The following CNGB3 variants were observed in gnomAD, a reference collection of about 807,000 sequenced individuals.
CNGB3 encodes cyclic nucleotide gated channel subunit beta 3.
Under a neutral mutation model 92.8 loss-of-function variants are expected in CNGB3, and 86 were observed. The ratio of observed to expected loss-of-function variants is 0.93; its 90% CI spans 0.78 to 1.11. CNGB3 has a LOEUF of 1.11. Ranked by LOEUF, CNGB3 falls within the 50% of genes least tolerant of loss-of-function variation. CNGB3 has a pLI of 0.00. For missense variants in CNGB3, 1,026 were observed against 956.8 expected, an observed-to-expected ratio of 1.07 and a Z score of -0.95; for synonymous variants, 333 against 332.7, an observed-to-expected ratio of 1.00 and a Z score of -0.01.
chr8:86,694,589 G>A (rs577699585), intron 3 of CNGB3, among the ~76,000 whole-genome samples: 30 of 151,634 alleles, frequency 2.0e-4, no homozygotes, highest in African/African-American at 5.1e-4. Flanking sequence ...CAGACGGGGC[G>A]GCCGGGCAGA....
chr8:86,599,479 A>C (rs895631345), intron 15 of CNGB3, among the ~76,000 whole-genome samples: 4 of 152,246 alleles, frequency 2.6e-5, no homozygotes, highest in Non-Finnish European at 4.4e-5. Flanking sequence ...TCTGACTGCC[A>C]GTGGGCCGGG....
intron 13 of CNGB3, among the ~76,000 whole-genome samples, chr8:86,615,304 TTAAAA>T (rs1166756912): frequency 3.3e-5 from 5 of 152,200 alleles, no homozygotes; most frequent in South Asian, 2.1e-4. Context: ...CACAAAGTAG[TTAAAA>T]TAAACTACAG....
At chr8:86,637,579 A>T (rs1823096394) in intron 10 of CNGB3, among the ~76,000 whole-genome samples, 1 of 152,146 alleles carries the variant, frequency 6.6e-6, no homozygotes, top group South Asian at 2.1e-4. Flanking sequence ...TAATTATTCT[A>T]GCCCTTGAAT....
intron 6 of CNGB3, among the ~76,000 whole-genome samples, chr8:86,655,049 T>G (rs1254135126): frequency 1.3e-5 from 2 of 152,186 alleles, no homozygotes; most frequent in African/African-American, 4.8e-5. Context: ...TGAGCCAAAC[T>G]GCTGCTCCTC....
chr8:86,624,044 A>G (rs1416420947), intron 13 of CNGB3, among the ~76,000 whole-genome samples: 1 of 152,216 alleles, frequency 6.6e-6, no homozygotes, highest in East Asian at 1.9e-4. Context: ...CACAGCAGGA[A>G]AGATCCTGTT....
chr8:86,627,959 C>T (rs1428334018), intron 12 of CNGB3, among the ~76,000 whole-genome samples: 1 of 152,182 alleles, frequency 6.6e-6, no homozygotes, highest in African/African-American at 2.4e-5. Flanking sequence ...GGATGAAGAC[C>T]TTTATGATGA....
At position 86,710,474 on chromosome 8, in the gene CNGB3, A is replaced by G. The variant is rs372553533; in HGVS notation, c.338+16057T>C. Among the ~76,000 whole-genome samples the G allele has an allele frequency of 5.3e-5, 8 of 152,206 alleles. No homozygotes were observed. In the East Asian group the frequency reaches 7.8e-4, roughly 15 times the overall value. ...CACTTTCCTCCTCCCAAGAGGATGA[A>G]GATCTTAAGAAACACAGTAGTCATC... On this transcript the variant is annotated intron_variant, in intron 3 of 17. Transcript: ENST00000320005.
At chr8:86,722,994 T>G (rs1318770510) in intron 3 of CNGB3, among the ~76,000 whole-genome samples, 1 of 152,146 alleles carries the variant, frequency 6.6e-6, no homozygotes, top group Non-Finnish European at 1.5e-5. Flanking sequence ...TCCCTATATA[T>G]GCATATATCC....
intron 14 of CNGB3, among the ~76,000 whole-genome samples, chr8:86,608,599 C>G (rs770761172): frequency 1.3e-5 from 2 of 152,230 alleles, no homozygotes; most frequent in Non-Finnish European, 2.9e-5. Context: ...AGTGGTCAGG[C>G]TCCTAGTCTG....
At chr8:86,654,132 T>A in intron 6 of CNGB3, 70 bp from the exon 7 acceptor site, 2 of 1,018,590 alleles carry the variant, frequency 2.0e-6, no homozygotes, top group Non-Finnish European at 3.1e-6. Flanking sequence ...CTTTTAAATT[T>A]ATAACTGTTT....
intron 3 of CNGB3, among the ~76,000 whole-genome samples, chr8:86,694,115 C>CGG (rs1824384129): frequency 1.9e-5 from 2 of 104,620 alleles, no homozygotes; most frequent in African/African-American, 3.8e-5. Flanking sequence ...GGCGGCTGGC[C>CGG]GGGCGGGGGG....
At chr8:86,589,020 G>C (rs1490712275) in intron 15 of CNGB3, among the ~76,000 whole-genome samples, 1 of 152,192 alleles carries the variant, frequency 6.6e-6, no homozygotes, top group Non-Finnish European at 1.5e-5. Flanking sequence ...TTCAGATCCT[G>C]TTATTGGTCT....
At chr8:86,662,728 C>T (rs969799758) in intron 6 of CNGB3, among the ~76,000 whole-genome samples, 8 of 152,140 alleles carry the variant, frequency 5.3e-5, no homozygotes, top group African/African-American at 1.7e-4. Flanking sequence ...ACAGTGGGCA[C>T]AAGCACTCTA....
Position 86,629,064 on chromosome 8 carries a change from A to G in CNGB3, c.1335T>C (p.Ile445=), listed in dbSNP as rs761725238. 1.7e-5 allele frequency: 27 copies of G among 1,613,832 alleles called. No homozygotes were observed. The Admixed American group carries it at 2.5e-4, about 15-fold the overall frequency. The change falls in exon 12 of 18, where the codon ATT becomes ATC. Residue 445 remains isoleucine (I), a synonymous_variant. Transcript: ENST00000320005. ...AGTTCTGATTGGCTGTAGCTGCTCC[A>G]ATCACATCTCTCATCTAAAACCACA... ...SSLIGQMRDV[I]GAATANQNYF...
At chr8:86,694,424 G>T (rs572398621) in intron 3 of CNGB3, among the ~76,000 whole-genome samples, 2 of 151,768 alleles carry the variant, frequency 1.3e-5, no homozygotes, top group Admixed American at 6.6e-5. Flanking sequence ...CCTCCCGGAC[G>T]GGGTGGCTGC....
At chr8:86,633,035 G>A (rs113946563) in intron 10 of CNGB3, 142 bp from the exon 11 acceptor site, 2 of 737,624 alleles carry the variant, frequency 2.7e-6, no homozygotes, top group East Asian at 2.7e-5. Context: ...CTGGCAAACA[G>A]CATGTGTGCT....
intron 3 of CNGB3, among the ~76,000 whole-genome samples, chr8:86,726,265 C>A (rs1187506036): frequency 6.6e-6 from 1 of 152,070 alleles, no homozygotes; most frequent in African/African-American, 2.4e-5. Context: ...ATGACTCATA[C>A]ATGTAACAGC....
At chr8:86,658,831 T>G (rs1823572063) in intron 6 of CNGB3, 1 of 613,936 alleles carries the variant, frequency 1.6e-6, no homozygotes. Context: ...TGACTGATGG[T>G]GGTGAGGTCA....
intron 6 of CNGB3, among the ~76,000 whole-genome samples, chr8:86,662,368 A>T (rs1586000905): frequency 6.6e-6 from 1 of 152,200 alleles, no homozygotes; most frequent in Non-Finnish European, 1.5e-5. Flanking sequence ...GTAGATAAAT[A>T]AGTGAATCGA....
Sources: allele counts gnomAD v4.1 joint callset (sites outside exome capture counted in the v4.1 genomes callset), GRCh38; gene constraint gnomAD v4.1.1; transcripts MANE v1.5; gene names NCBI Gene and HGNC (gene_info 2026-07-23, HGNC 2026-07-21).